NCALD: variants seen among roughly 807,000 people sequenced by gnomAD.
The protein encoded by NCALD is neurocalcin-delta.
A neutral mutation model predicts 18.6 loss-of-function variants in NCALD; 10 were observed. That is an observed-to-expected ratio of 0.54 (90% CI 0.33 to 0.91). The LOEUF is 0.91. Ranked by LOEUF, NCALD falls within the 40% of genes least tolerant of loss-of-function variation. The pLI, the probability that NCALD is intolerant of heterozygous loss-of-function variation, is 0.03. For synonymous variants in NCALD, 88 were observed against 87.4 expected, an observed-to-expected ratio of 1.01 and a Z score of -0.04; for missense variants, 184 against 247.6, an observed-to-expected ratio of 0.74 and a Z score of 1.72.
chr8:101,873,646 A>C (rs1816109129), intron 4 of NCALD, among the ~76,000 whole-genome samples: 1 of 152,212 alleles, frequency 6.6e-6, no homozygotes, highest in African/African-American at 2.4e-5. Context: ...TGGGACCTGA[A>C]TGACAAAAGC....
At chr8:102,037,470 G>A (rs1007799040) in intron 1 of NCALD, among the ~76,000 whole-genome samples, 3 of 152,066 alleles carry the variant, frequency 2.0e-5, no homozygotes, top group East Asian at 1.9e-4. Context: ...ATTATAGTTC[G>A]TAGATGTTGT....
chr8:101,760,499 G>A (rs1430090095), intron 1 of NCALD, among the ~76,000 whole-genome samples: 2 of 152,208 alleles, frequency 1.3e-5, no homozygotes, highest in African/African-American at 2.4e-5. Flanking sequence ...TGGATTAGGG[G>A]TGGCTGAGGT....
chr8:101,758,049 C>T (rs1810961297), intron 1 of NCALD, among the ~76,000 whole-genome samples: 1 of 152,144 alleles, frequency 6.6e-6, no homozygotes, highest in Admixed American at 6.5e-5. Context: ...ATCAGCCTCC[C>T]AAAGCACTGG....
chr8:101,997,970 A>T (rs1179141574), intron 2 of NCALD, among the ~76,000 whole-genome samples: 1 of 152,200 alleles, frequency 6.6e-6, no homozygotes, highest in African/African-American at 2.4e-5. Flanking sequence ...ATTTCACTCC[A>T]ACAGAAATAG....
At chr8:102,056,750 G>A (rs1823665998) in intron 1 of NCALD, among the ~76,000 whole-genome samples, 1 of 152,194 alleles carries the variant, frequency 6.6e-6, no homozygotes, top group African/African-American at 2.4e-5. Flanking sequence ...GAAGGCTAAG[G>A]CCGTACACCT....
At chr8:102,098,488 G>GA (rs950114899) in intron 1 of NCALD, among the ~76,000 whole-genome samples, 1 of 151,980 alleles carries the variant, frequency 6.6e-6, no homozygotes. Flanking sequence ...GGCCCTGGGG[G>GA]GCTGCATCAT....
rs549308133 is a variant in NCALD, at chr8:101,769,722, C to T, written c.-20+21140G>A. 7.9e-5 allele frequency among the ~76,000 whole-genome samples: 12 copies of T among 151,978 alleles called. No individual in the cohort carries two copies. In the East Asian group the frequency reaches 2.3e-3, roughly 29 times the overall value. On this transcript the variant is annotated intron_variant, in intron 1 of 3. Transcript: ENST00000220931. Reference sequence around the variant, plus strand: ...CTCAACTGTATGAAGGTTAAAAACTCTTCCTAATTTTGATTCTAATAAATG... The same window carrying T: ...CTCAACTGTATGAAGGTTAAAAACTTTTCCTAATTTTGATTCTAATAAATG...
chr8:101,735,413 G>A (rs1379365541), intron 1 of NCALD, among the ~76,000 whole-genome samples: 1 of 152,134 alleles, frequency 6.6e-6, no homozygotes, highest in Non-Finnish European at 1.5e-5. Flanking sequence ...TCCTGAGATG[G>A]TGGCAGGAAG....
rs558732929 is a variant in NCALD at position 101,944,924 on chromosome 8, T to G, written c.-156-29066A>C. Among the ~76,000 whole-genome samples, 9 of 152,382 alleles carry G rather than the reference T, an allele frequency of 5.9e-5. No homozygotes were observed. In the South Asian group the frequency reaches 1.9e-3, roughly 32 times the overall value. On this transcript the variant is annotated intron_variant, in intron 2 of 6. Transcript: ENST00000311028. The stretch of plus-strand genomic sequence containing the variant: ...TATAAATAATCCCTTCATTAAATTA[T>G]CTTTCAAATCCCAGCCTGTAGCCTT...
intron 2 of NCALD, among the ~76,000 whole-genome samples, chr8:102,014,562 T>C (rs1822015847): frequency 6.6e-6 from 1 of 152,032 alleles, no homozygotes; most frequent in African/African-American, 2.4e-5. Flanking sequence ...TGTTTTTAAA[T>C]GCTAGGAGCA....
intron 1 of NCALD, among the ~76,000 whole-genome samples, chr8:102,119,553 T>C (rs755373255): frequency 6.6e-6 from 1 of 152,220 alleles, no homozygotes. Flanking sequence ...TTAAGAATGG[T>C]TAAAATGGTC....
At chr8:101,798,759 T>G (rs1812732311) in intron 4 of NCALD, among the ~76,000 whole-genome samples, 1 of 152,140 alleles carries the variant, frequency 6.6e-6, no homozygotes, top group Non-Finnish European at 1.5e-5. Context: ...TCAGAACATA[T>G]TATATAGCTA....
chr8:102,025,187 G>C (rs374043373), intron 1 of NCALD, among the ~76,000 whole-genome samples: 1 of 152,042 alleles, frequency 6.6e-6, no homozygotes, highest in Non-Finnish European at 1.5e-5. Context: ...CCCCTCGCTA[G>C]CTACTCTTCA....
At position 101,691,829 on chromosome 8, in the gene NCALD, G is replaced by A. The variant is rs952768243; in HGVS notation, c.484+962C>T. 3.2e-5 allele frequency: 32 copies of A among 985,254 alleles called. No individual in the cohort carries two copies. The Admixed American group carries it at 3.7e-4, about 11-fold the overall frequency. The allele number at this position is 985,254 out of a possible 1,614,324, so 61.0% of individuals were successfully genotyped here. A position where few individuals can be genotyped will look rare whatever the true frequency, so the allele number is the denominator to read the frequency against. On this transcript the variant is annotated intron_variant, in intron 3 of 3. Coordinates refer to ENST00000220931, the MANE Select transcript of NCALD (RefSeq NM_032041.3). Reference sequence around the variant, plus strand: ...GCCTTCTGCTGTTCTATAGATCAGCGCCAGGTGGGGGACCCAAGTGCCTGT... The same window carrying A: ...GCCTTCTGCTGTTCTATAGATCAGCACCAGGTGGGGGACCCAAGTGCCTGT...
chr8:101,934,930 T>C (rs1818706363), intron 2 of NCALD, among the ~76,000 whole-genome samples: 2 of 151,912 alleles, frequency 1.3e-5, no homozygotes, highest in African/African-American at 4.8e-5. Flanking sequence ...CTAAAATAAG[T>C]GAAAATATCA....
chr8:102,102,621 C>T (rs1016866825), intron 1 of NCALD, among the ~76,000 whole-genome samples: 9 of 152,212 alleles, frequency 5.9e-5, no homozygotes, highest in African/African-American at 2.4e-5. Flanking sequence ...GCATGACCCC[C>T]CAGCCCCGCT....
At chr8:102,035,392 A>G (rs1822827709) in intron 1 of NCALD, among the ~76,000 whole-genome samples, 1 of 152,216 alleles carries the variant, frequency 6.6e-6, no homozygotes, top group Non-Finnish European at 1.5e-5. Flanking sequence ...ATGTTATTTT[A>G]AAAACATATT....
intron 4 of NCALD, among the ~76,000 whole-genome samples, chr8:101,817,914 A>G (rs771426376): frequency 2.0e-5 from 3 of 152,180 alleles, no homozygotes; most frequent in Non-Finnish European, 2.9e-5. Flanking sequence ...GTTTCTCCCA[A>G]AACAGCTGCG....
At chr8:102,040,695 C>CCTTTTGT (rs11281588) in intron 1 of NCALD, among the ~76,000 whole-genome samples, 45,364 of 150,960 alleles carry the variant, frequency 0.3, 7,152 homozygotes, top group African/African-American at 0.38. Context: ...ATGGTTGCTT[C>CCTTTTGT]CCAACAGGAT....
Sources: gnomAD v4.1 joint callset for allele counts (sites outside exome capture counted in the v4.1 genomes callset) on GRCh38, gnomAD v4.1.1 for gene constraint, MANE v1.5 for transcripts, NCBI Gene and HGNC (gene_info 2026-07-23, HGNC 2026-07-21) for gene names.